The following PLEKHA2 variants were observed in gnomAD, a reference collection of about 807,000 sequenced individuals.
The protein encoded by PLEKHA2 is pleckstrin homology domain-containing family A member 2.
A neutral mutation model predicts 53.2 loss-of-function variants in PLEKHA2; 28 were observed. The observed-to-expected ratio is 0.53, with a 90% confidence interval of 0.39 to 0.72. The LOEUF (loss-of-function observed/expected upper bound fraction) is 0.72. Ranked by LOEUF, PLEKHA2 falls within the 30% of genes least tolerant of loss-of-function variation. PLEKHA2 has a pLI of 0.00. For synonymous variants in PLEKHA2, 193 were observed against 196.4 expected, an observed-to-expected ratio of 0.98 and a Z score of 0.14; for missense variants, 426 against 537.9, an observed-to-expected ratio of 0.79 and a Z score of 2.06.
At chr8:38,944,213 T>C (rs1003861781) in intron 4 of PLEKHA2, among the ~76,000 whole-genome samples, 2 of 152,092 alleles carry the variant, frequency 1.3e-5, no homozygotes, top group Non-Finnish European at 2.9e-5. Flanking sequence ...GACTGGGTAA[T>C]TTAAAAAGAG....
At chr8:38,921,563 A>C (rs1834194420) in intron 2 of PLEKHA2, among the ~76,000 whole-genome samples, 1 of 152,166 alleles carries the variant, frequency 6.6e-6, no homozygotes, top group Non-Finnish European at 1.5e-5. Flanking sequence ...ACCTGTGCTA[A>C]GCCTGGACGC....
intron 2 of PLEKHA2, among the ~76,000 whole-genome samples, chr8:38,925,667 CT>C (rs774276289): frequency 5.9e-5 from 9 of 152,164 alleles, no homozygotes; most frequent in Non-Finnish European, 1.3e-4. Context: ...GAAAGCAGTT[CT>C]TTCCATTGAT....
chr8:38,911,197 A>G (rs1833948208), intron 1 of PLEKHA2, among the ~76,000 whole-genome samples: 1 of 151,878 alleles, frequency 6.6e-6, no homozygotes, highest in Admixed American at 6.6e-5. Flanking sequence ...TGAAGGGACC[A>G]TCTAGAGACA....
rs976138615 is a variant in PLEKHA2 at position 38,971,712 on chromosome 8, T to A, written c.*1929T>A. The A allele has an allele frequency of 1.3e-5, 2 of 152,136 alleles. No individual in the cohort carries two copies. The highest frequency in any genetic ancestry group is 4.8e-5 in the African/African-American group (2 of 41,422). The allele number at this position is 152,136 out of a possible 1,614,324, so 9.4% of individuals were successfully genotyped here. On this transcript the variant is annotated 3_prime_UTR_variant, in exon 12 of 12. Coordinates refer to ENST00000617275, the MANE Select transcript of PLEKHA2 (RefSeq NM_021623.2). ...GGCTCACGCCTGTAATCCCAGCACTTTGGGAGGCCGAGGCGAGCGGATCAC... is the reference window on the plus strand; with the variant it reads ...GGCTCACGCCTGTAATCCCAGCACTATGGGAGGCCGAGGCGAGCGGATCAC...
chr8:38,964,572 C>T (rs546291610), intron 10 of PLEKHA2, among the ~76,000 whole-genome samples: 44 of 152,118 alleles, frequency 2.9e-4, no homozygotes, highest in Non-Finnish European at 5.1e-4. Context: ...TCCACAAAAC[C>T]GATCCCTATG....
chr8:38,940,224 C>T (rs1374925724), intron 3 of PLEKHA2, among the ~76,000 whole-genome samples: 1 of 152,002 alleles, frequency 6.6e-6, no homozygotes, highest in East Asian at 1.9e-4. Flanking sequence ...ATGGCGAAAC[C>T]CCATCTCTAC....
intron 10 of PLEKHA2, among the ~76,000 whole-genome samples, chr8:38,964,724 A>G (rs1223088538): frequency 1.3e-5 from 2 of 152,028 alleles, no homozygotes; most frequent in Non-Finnish European, 2.9e-5. Flanking sequence ...AAAAATCAAG[A>G]TATAATGTAT....
intron 10 of PLEKHA2, among the ~76,000 whole-genome samples, chr8:38,958,330 A>C (rs1834978893): frequency 6.6e-6 from 1 of 151,190 alleles, no homozygotes; most frequent in African/African-American, 2.4e-5. Context: ...CTCAAAAAAA[A>C]GGGAAACAAA....
intron 3 of PLEKHA2, among the ~76,000 whole-genome samples, chr8:38,941,542 CA>C (rs1834613460): frequency 6.6e-6 from 1 of 152,138 alleles, no homozygotes; most frequent in Admixed American, 6.5e-5. Context: ...TGTAGGAGGC[CA>C]GGCAATTTTT....
intron 2 of PLEKHA2, among the ~76,000 whole-genome samples, chr8:38,923,140 C>T (rs924096373): frequency 1.3e-5 from 2 of 152,118 alleles, no homozygotes; most frequent in South Asian, 2.1e-4. Flanking sequence ...TGCCCGGATG[C>T]CAATATTTGG....
chr8:38,962,510 T>C (rs1484965929), intron 10 of PLEKHA2, among the ~76,000 whole-genome samples: 1 of 152,110 alleles, frequency 6.6e-6, no homozygotes, highest in Non-Finnish European at 1.5e-5. Flanking sequence ...GATCTGGAAA[T>C]AACCAGGTAT....
chr8:38,955,050 T>C (rs1203851628), intron 9 of PLEKHA2, among the ~76,000 whole-genome samples: 4 of 152,140 alleles, frequency 2.6e-5, no homozygotes, highest in African/African-American at 9.7e-5. Flanking sequence ...AATAAATAAA[T>C]AAATTTTTAC....
chr8:38,911,988 A>G (rs1034032343), intron 1 of PLEKHA2, among the ~76,000 whole-genome samples: 1 of 150,072 alleles, frequency 6.7e-6, no homozygotes, highest in Non-Finnish European at 1.5e-5. Context: ...AAAAATAAAA[A>G]CATAAAATGA....
intron 5 of PLEKHA2, among the ~76,000 whole-genome samples, chr8:38,948,040 C>G (rs977645305): frequency 6.7e-6 from 1 of 149,076 alleles, no homozygotes; most frequent in Non-Finnish European, 1.5e-5. Flanking sequence ...GAGCCGAGAT[C>G]GCGCCACTGC....
At chr8:38,947,392 G>C (rs1834734314) in intron 5 of PLEKHA2, among the ~76,000 whole-genome samples, 2 of 152,306 alleles carry the variant, frequency 1.3e-5, no homozygotes, top group Middle Eastern at 3.4e-3. Flanking sequence ...AGAGGTTGCA[G>C]TGAGCCGAGA....
rs897051370 is a variant in PLEKHA2, at chr8:38,969,451, A to T, written c.946A>T (p.Thr316Ser). The change falls in exon 12 of 12, where the codon ACC becomes TCC. Residue 316 changes from threonine to serine, a missense_variant. Physicochemically the swap from Thr to Ser is moderately conservative, Grantham distance 58. Transcript: ENST00000617275. ...GTCCTTTTCTAGATCCATTTCTTTG[A>T]CCCGACCTGGAAGCTCCAGCCTTTC... ...ETSFSRSISL[T>S]RPGSSSLSSG... The T allele has an allele frequency of 6.2e-7, 1 of 1,613,446 alleles. No homozygotes were observed. The highest frequency in any genetic ancestry group is 1.1e-5 in the South Asian group (1 of 91,056).
intron 2 of PLEKHA2, among the ~76,000 whole-genome samples, chr8:38,921,693 C>A (rs1459515061): frequency 6.6e-6 from 1 of 152,236 alleles, no homozygotes; most frequent in African/African-American, 2.4e-5. Flanking sequence ...TGTGGTAGAA[C>A]CTTCTTCAAG....
intron 9 of PLEKHA2, among the ~76,000 whole-genome samples, chr8:38,955,855 T>A (rs1240572932): frequency 6.6e-6 from 1 of 152,230 alleles, no homozygotes; most frequent in Non-Finnish European, 1.5e-5. Context: ...AGTCTTGCTC[T>A]GTCCCCAGAT....
At chr8:38,960,552 AT>A (rs1835023539) in intron 10 of PLEKHA2, among the ~76,000 whole-genome samples, 1 of 143,198 alleles carries the variant, frequency 7.0e-6, no homozygotes, top group Non-Finnish European at 1.6e-5. Context: ...TGAAAAAAAC[AT>A]ATTTCTAAAA....
Sources: allele counts gnomAD v4.1 joint callset (sites outside exome capture counted in the v4.1 genomes callset), GRCh38; gene constraint gnomAD v4.1.1; transcripts MANE v1.5; gene names NCBI Gene and HGNC (gene_info 2026-07-23, HGNC 2026-07-21).